PTCH1: variants seen among roughly 807,000 people sequenced by gnomAD.
PTCH1 encodes the protein patched 1, also known as protein patched homolog 1.
In PTCH1, 14 loss-of-function variants were observed where a neutral mutation model predicts 144.6. The ratio of observed to expected loss-of-function variants is 0.10; its 90% CI spans 0.06 to 0.15. PTCH1 has a LOEUF of 0.15. PTCH1 is among the 10% of genes least tolerant of loss of function. The pLI is 1.00. For missense variants in PTCH1, 1,623 were observed against 1,948.3 expected, an observed-to-expected ratio of 0.83 and a Z score of 3.14; for synonymous variants, 833 against 793.6, an observed-to-expected ratio of 1.05 and a Z score of -0.83.
At position 95,508,479 on chromosome 9, in the gene PTCH1, T is replaced by G. The variant is rs947947254; in HGVS notation, c.-118A>C. The G allele has an allele frequency of 1.7e-5, 17 of 1,020,818 alleles. No homozygotes were observed. The highest frequency in any genetic ancestry group is 4.7e-4 in the Middle Eastern group (1 of 2,136). 63.2% of individuals were successfully genotyped at this position (1,020,818 alleles called of 1,614,324 possible). ...GGCGCTCGGCTTGCGAGGACGCTGC[T>G]GGCCGCAGGCTGCTCGGGCTCGGGC... On this transcript the variant is annotated 5_prime_UTR_variant, in exon 1 of 24. Transcript: ENST00000331920.
At chr9:95,485,131 G>T (rs1588620968) in intron 3 of PTCH1, among the ~76,000 whole-genome samples, 1 of 151,990 alleles carries the variant, frequency 6.6e-6, no homozygotes, top group African/African-American at 2.4e-5. Flanking sequence ...GCTTAAACCC[G>T]GGAGGCAGAG....
intron 8 of PTCH1, among the ~76,000 whole-genome samples, chr9:95,478,543 C>T (rs1432945593): frequency 6.6e-6 from 1 of 152,168 alleles, no homozygotes; most frequent in Non-Finnish European, 1.5e-5. Context: ...CAAAACAACT[C>T]ATTCTTATGG....
intron 2 of PTCH1, among the ~76,000 whole-genome samples, chr9:95,493,768 T>A (rs1487831325): frequency 6.6e-6 from 1 of 152,086 alleles, no homozygotes; most frequent in Non-Finnish European, 1.5e-5. Flanking sequence ...ACTGCAAAAT[T>A]ATTAGCACTG....
At chr9:95,482,596 T>C (rs1588615547) in intron 3 of PTCH1, 3 of 309,266 alleles carry the variant, frequency 9.7e-6, no homozygotes, top group South Asian at 9.2e-5. Flanking sequence ...TATTGACACA[T>C]ACTCAGGTGC....
At chr9:95,491,294 A>C (rs1191169290) in intron 2 of PTCH1, among the ~76,000 whole-genome samples, 1 of 152,252 alleles carries the variant, frequency 6.6e-6, no homozygotes, top group African/African-American at 2.4e-5. Flanking sequence ...GGAAACCGGA[A>C]GACCCCAGCA....
rs201193230 is a variant in PTCH1 at position 95,477,528 on chromosome 9, T to A, written c.1503+19A>T. The A allele has an allele frequency of 1.8e-5, 29 of 1,614,106 alleles. No homozygotes were observed. The highest frequency in any genetic ancestry group is 2.5e-5 in the Non-Finnish European group (29 of 1,179,996). On this transcript the variant is annotated intron_variant, in intron 10 of 23. Transcript: ENST00000331920. The stretch of plus-strand genomic sequence containing the variant: ...GTGGCATTTGTCAACGGACAGCAGA[T>A]AAATGGCTCCTTTAGTACCTGAGTT...
At position 95,476,162 on chromosome 9, in the gene PTCH1, G is replaced by T; in HGVS notation, c.1603-3C>A. 6.2e-7 allele frequency: 1 copy of T among 1,610,842 alleles called. No individual in the cohort carries two copies. Among genetic ancestry groups the T allele is most frequent in the East Asian group, 2.2e-5 (1 of 44,742 alleles). On this transcript the variant is annotated splice_region_variant and splice_polypyrimidine_tract_variant and intron_variant, in intron 11 of 23. Transcript: ENST00000331920. The surrounding 1 kb of genome is among the most constrained non-coding windows in gnomAD (Gnocchi z 4.6). ...TTCAGGCACTCCCCGGTCCTGTCCT[G>T]GGAATAAAAAAACACAGCGCTGAGA...
rs755882246 is a variant in PTCH1 at position 95,469,815 on chromosome 9, T to C, written c.1845A>G (p.Thr615=). 5.0e-6 allele frequency: 8 copies of C among 1,611,094 alleles called. No homozygotes were observed. The Admixed American group carries it at 1.2e-4, about 24-fold the overall frequency. The part of the protein sequence containing the change: ...DRRLDIFCCF[T]SPCVSRVIQV... ...GCCACAGCAGTCTGAAAATGTACCT[T>C]GTAAAACAGCAGAAAATATCCAGTC... The change falls in exon 13 of 24, where the codon ACA becomes ACG. Residue 615 remains threonine, a splice_region_variant and synonymous_variant. Transcript: ENST00000331920.
chr9:95,510,184 A>G (rs1389576191), upstream of PTCH1, among the ~76,000 whole-genome samples: 1 of 152,196 alleles, frequency 6.6e-6, no homozygotes, highest in Non-Finnish European at 1.5e-5. Flanking sequence ...TGTTTCCTTG[A>G]GAGAGTAAAG....
chr9:95,508,531 C>G lies in PTCH1; in HGVS notation c.-170G>C. On this transcript the variant is annotated 5_prime_UTR_variant, in exon 1 of 24. Transcript: ENST00000331920. ...CCGGTTGACAGACCAGCCGCTGCTG[C>G]TGCTCACACGGCGGGCGCTGCTGCC... 9.9e-7 allele frequency: 1 copy of G among 1,013,392 alleles called. No individual in the cohort carries two copies. Among genetic ancestry groups the G allele is most frequent in the Non-Finnish European group, 1.2e-6 (1 of 848,142 alleles). 62.8% of individuals were successfully genotyped at this position (1,013,392 alleles called of 1,614,324 possible). A position where few individuals can be genotyped will look rare whatever the true frequency, so the allele number is the denominator to read the frequency against.
rs1564092982 is a variant in PTCH1 at position 95,508,983 on chromosome 9, C to A, written c.-622G>T. On this transcript the variant is annotated 5_prime_UTR_variant, in exon 1 of 24. Transcript: ENST00000331920. ...CCGCGGTGGCTGCTGCTGGCGGTGG[C>A]GGCTCCAGGAGCTGCTGCTCGGGCT... 6.6e-6 allele frequency among the ~76,000 whole-genome samples: 1 copy of A among 150,978 alleles called. No individual in the cohort carries two copies. Among genetic ancestry groups the A allele is most frequent in the Non-Finnish European group, 1.5e-5 (1 of 67,604 alleles).
At chr9:95,502,041 G>A (rs1843183613) in intron 2 of PTCH1, among the ~76,000 whole-genome samples, 2 of 152,158 alleles carry the variant, frequency 1.3e-5, no homozygotes, top group Non-Finnish European at 2.9e-5. Context: ...AAATGGCCCT[G>A]AGGGACGAGC....
chr9:95,447,533 G>A lies in PTCH1; in HGVS notation c.3805-82C>T, dbSNP rs1413915794. The A allele has an allele frequency of 3.5e-6, 5 of 1,415,598 alleles. No homozygotes were observed. The South Asian group carries it at 4.1e-5, about 12-fold the overall frequency. 87.7% of individuals were successfully genotyped at this position (1,415,598 alleles called of 1,614,324 possible). On this transcript the variant is annotated intron_variant, in intron 22 of 23. Coordinates refer to ENST00000331920, the MANE Select transcript of PTCH1 (RefSeq NM_000264.5). ...GCAGCTCCCACACTTCCCTCCTTGG[G>A]TTTCACCAAAGACTCAGTCAACCCT...
intron 2 of PTCH1, chr9:95,494,140 G>A (rs1439921262): frequency 3.2e-6 from 3 of 928,340 alleles, no homozygotes; most frequent in Non-Finnish European, 3.9e-6. Context: ...GCGCTCGCGC[G>A]GGGTTCTGCA....
Position 95,443,830 on chromosome 9 carries a change from C to T in PTCH1, c.*2563G>A, listed in dbSNP as rs1306974512. ...TGAAATGACACAAACTCATTTCCACCAAAATTGGCAATGAGACCCAGTTTG... is the reference window on the plus strand; with the variant it reads ...TGAAATGACACAAACTCATTTCCACTAAAATTGGCAATGAGACCCAGTTTG... On this transcript the variant is annotated 3_prime_UTR_variant, in exon 24 of 24. Transcript: ENST00000331920. 6.6e-6 allele frequency: 1 copy of T among 152,528 alleles called. No homozygotes were observed. Among genetic ancestry groups the T allele is most frequent in the South Asian group, 2.1e-4 (1 of 4,828 alleles). 9.4% of individuals were successfully genotyped at this position (152,528 alleles called of 1,614,324 possible). A position where few individuals can be genotyped will look rare whatever the true frequency, so the allele number is the denominator to read the frequency against.
rs374145534 is a variant in PTCH1 at position 95,479,092 on chromosome 9, G to A, written c.1123C>T (p.His375Tyr). The A allele has an allele frequency of 1.2e-6, 2 of 1,613,992 alleles. No individual in the cohort carries two copies. The highest frequency in any genetic ancestry group is 1.3e-5 in the African/African-American group (1 of 74,872). Residue 375 changes from histidine to tyrosine, a missense_variant, in exon 8 of 24, where the codon CAC becomes TAC. By Grantham distance (83) the His-to-Tyr change is moderately conservative (BLOSUM62 2). Around this residue, in one of 7 missense-constraint regions of PTCH1, gnomAD observed 230 missense variants for 271.0 expected, o/e 0.85. Coordinates refer to ENST00000331920, the MANE Select transcript of PTCH1 (RefSeq NM_000264.5). ...QLMTPKQMYE[H>Y]FKGYEYVSHI... The stretch of plus-strand genomic sequence containing the variant: ...GAGACATACTCGTACCCCTTGAAGT[G>A]CTCGTACATTTGCTTGGGAGTCATT...
At position 95,447,461 on chromosome 9, in the gene PTCH1, G is replaced by T. The variant is rs1339302802; in HGVS notation, c.3805-10C>A. On this transcript the variant is annotated splice_polypyrimidine_tract_variant and intron_variant, in intron 22 of 23. Transcript: ENST00000331920. ...ATTCGGGATGGACCACCTGCAGAGG[G>T]TGAGGGTGGGTTAGAAGGGTGGTAT... 6.4e-7 allele frequency: 1 copy of T among 1,559,038 alleles called. No homozygotes were observed. The highest frequency in any genetic ancestry group is 1.9e-5 in the Admixed American group (1 of 53,996).
chr9:95,513,504 A>G (rs999376044), upstream of PTCH1, among the ~76,000 whole-genome samples: 3 of 152,120 alleles, frequency 2.0e-5, no homozygotes, highest in African/African-American at 7.2e-5. Context: ...GGAGCCCAGG[A>G]TACAGGATGT....
In PTCH1 at chr9:95,476,651, G is replaced by T. The variant is rs55809775; in HGVS notation, c.1602+108C>A. ...AGCCAGTGACACATCATCTGACATG[G>T]GACTGAAATCTTTACTGGGTCAGAC... On this transcript the variant is annotated intron_variant, in intron 11 of 23. Transcript: ENST00000331920. The surrounding 1 kb of genome is among the most constrained non-coding windows in gnomAD (Gnocchi z 4.6). 333 of 1,046,618 alleles carry T rather than the reference G, an allele frequency of 3.2e-4. No homozygotes were observed. The African/African-American group carries it at 4.2e-3, about 13-fold the overall frequency. The allele number at this position is 1,046,618 out of a possible 1,614,324, so 64.8% of individuals were successfully genotyped here.
Sources: gnomAD v4.1 joint callset for allele counts (sites outside exome capture counted in the v4.1 genomes callset) on GRCh38, gnomAD v4.1.1 for gene constraint, gnomAD v4.1.1 regional missense constraint, Gnocchi (gnomAD v3.1) non-coding constraint, MANE v1.5 for transcripts, NCBI Gene and HGNC (gene_info 2026-07-23, HGNC 2026-07-21) for gene names.